TPD52L2: variants seen among roughly 807,000 people sequenced by gnomAD.
TPD52L2 encodes tumor protein D54.
Under a neutral mutation model 24.7 loss-of-function variants are expected in TPD52L2, and 19 were observed. The ratio of observed to expected loss-of-function variants is 0.77; its 90% CI spans 0.54 to 1.13. The LOEUF is 1.13. Among genes scored for constraint, TPD52L2 ranks in the 50% most tolerant of loss-of-function variants. The pLI is 0.00. For synonymous variants in TPD52L2, 104 were observed against 100.2 expected, an observed-to-expected ratio of 1.04 and a Z score of -0.23; for missense variants, 236 against 250.4, an observed-to-expected ratio of 0.94 and a Z score of 0.39.
At chr20:63,876,129 A>G (rs2052667667) in intron 4 of TPD52L2, among the ~76,000 whole-genome samples, 1 of 152,134 alleles carries the variant, frequency 6.6e-6, no homozygotes, top group Admixed American at 6.5e-5. Context: ...TGCGTCCCTT[A>G]TGTAAGAGGC....
chr20:63,887,722 T>G, intron 5 of TPD52L2: 23 of 1,025,958 alleles, frequency 2.2e-5, no homozygotes, highest in Non-Finnish European at 3.1e-5. Flanking sequence ...GAGGACTCCA[T>G]TCCCTTGGCA....
At chr20:63,886,006 C>T (rs1251626240) in intron 5 of TPD52L2, 3 of 1,614,138 alleles carry the variant, frequency 1.9e-6, no homozygotes, top group South Asian at 2.2e-5. Context: ...CTCCTGCTGC[C>T]ACCTTCCAGG....
intron 2 of TPD52L2, among the ~76,000 whole-genome samples, chr20:63,873,458 C>T (rs2052543073): frequency 6.7e-6 from 1 of 150,294 alleles, no homozygotes; most frequent in African/African-American, 2.5e-5. Context: ...CATTGCACTC[C>T]AGCCTGGGCG....
chr20:63,889,439 T>C (rs540042942), intron 6 of TPD52L2, among the ~76,000 whole-genome samples: 1 of 152,178 alleles, frequency 6.6e-6, no homozygotes, highest in South Asian at 2.1e-4. Context: ...CACCAGGACA[T>C]TGGCACTGAC....
intron 5 of TPD52L2, chr20:63,886,978 G>A (rs528251069): frequency 6.1e-5 from 10 of 164,390 alleles, no homozygotes; most frequent in Non-Finnish European, 1.2e-4. Context: ...GGGCTGTGCC[G>A]ACTCTCACCA....
intron 6 of TPD52L2, 112 bp from the exon 7 acceptor site, chr20:63,889,738 C>A: frequency 1.0e-6 from 1 of 1,000,880 alleles, no homozygotes; most frequent in Non-Finnish European, 1.5e-6. Context: ...CCCTGCTGAG[C>A]AGTGTTCGTG....
chr20:63,887,872 T>G, intron 5 of TPD52L2: 1 of 535,396 alleles, frequency 1.9e-6, no homozygotes. Flanking sequence ...GTCCTGACCC[T>G]GGCTGCCTGC....
At chr20:63,884,666 G>C (rs73151741) in intron 5 of TPD52L2, among the ~76,000 whole-genome samples, 6,212 of 152,214 alleles carry the variant, frequency 0.041, 309 homozygotes, top group East Asian at 0.2. Context: ...CAGCTGACCC[G>C]TGTCGTGTAG....
intron 1 of TPD52L2, among the ~76,000 whole-genome samples, chr20:63,867,871 C>T (rs1209355872): frequency 1.3e-5 from 2 of 150,570 alleles, no homozygotes; most frequent in South Asian, 4.2e-4. Flanking sequence ...CTCCTGACCT[C>T]AGGTGATCCG....
At chr20:63,871,205 G>C (rs2052451238) in intron 2 of TPD52L2, among the ~76,000 whole-genome samples, 1 of 147,184 alleles carries the variant, frequency 6.8e-6, no homozygotes, top group African/African-American at 2.5e-5. Context: ...ACCACACCTG[G>C]CTAATTTTTG....
At position 63,878,190 on chromosome 20, in the gene TPD52L2, A is replaced by G. The variant is rs1233371388; in HGVS notation, c.374+2315A>G. On this transcript the variant is annotated intron_variant, in intron 4 of 6. Transcript: ENST00000346249. ...GACCCACGTGTTTGTAGATCCTTTC[A>G]GCTATTGGCGCCCTGGAGGATGGAC... Among the ~76,000 whole-genome samples the G allele has an allele frequency of 2.6e-5, 4 of 152,344 alleles. No homozygotes were observed. The East Asian group carries it at 7.7e-4, about 29-fold the overall frequency.
intron 1 of TPD52L2, among the ~76,000 whole-genome samples, chr20:63,867,647 C>T (rs1423484663): frequency 6.6e-6 from 1 of 152,012 alleles, no homozygotes; most frequent in African/African-American, 2.4e-5. Flanking sequence ...AGGAAGTGCA[C>T]ACGGCTCCAG....
chr20:63,869,253 C>G (rs2052371547), intron 1 of TPD52L2, 43 bp from the exon 2 acceptor site: 1 of 1,611,314 alleles, frequency 6.2e-7, no homozygotes, highest in South Asian at 1.1e-5. Context: ...TTACTTGGAA[C>G]TAACTTATTT....
At chr20:63,886,484 TC>T (rs2053114496) in intron 5 of TPD52L2, among the ~76,000 whole-genome samples, 1 of 148,778 alleles carries the variant, frequency 6.7e-6, no homozygotes, top group Non-Finnish European at 1.5e-5. Flanking sequence ...CCTCAGCCTC[TC>T]CGAGTAGCTG....
At chr20:63,871,760 A>G (rs2052474575) in intron 2 of TPD52L2, among the ~76,000 whole-genome samples, 1 of 151,318 alleles carries the variant, frequency 6.6e-6, no homozygotes, top group South Asian at 2.1e-4. Flanking sequence ...CAGCCTCCCG[A>G]GTACCTGGGG....
rs549561285 is a variant in TPD52L2 at position 63,886,406 on chromosome 20, G to A, written c.477-2784G>A. On this transcript the variant is annotated intron_variant, in intron 5 of 6. Coordinates refer to ENST00000346249, the MANE Select transcript of TPD52L2 (RefSeq NM_003288.4). ...GACGGAGTCTTGCTCTGTCGCCCAG[G>A]TTGGAGTGCCGTGGCGCGATCTCGG... Among the ~76,000 whole-genome samples the A allele has an allele frequency of 3.3e-5, 5 of 151,854 alleles. No individual in the cohort carries two copies. In the South Asian group the frequency reaches 1.0e-3, roughly 32 times the overall value.
intron 4 of TPD52L2, among the ~76,000 whole-genome samples, chr20:63,878,598 G>A (rs969758958): frequency 1.3e-5 from 2 of 152,162 alleles, no homozygotes; most frequent in African/African-American, 2.4e-5. Flanking sequence ...TAATGGCTGC[G>A]GCCTTGGAGG....
At chr20:63,886,510 CG>C (rs1186068113) in intron 5 of TPD52L2, among the ~76,000 whole-genome samples, 3 of 151,902 alleles carry the variant, frequency 2.0e-5, no homozygotes, top group Non-Finnish European at 4.4e-5. Flanking sequence ...TACAGGCGCC[CG>C]CCGCCACGCC....
At position 63,890,167 on chromosome 20, in the gene TPD52L2, A is replaced by G. The variant is rs141708730; in HGVS notation, c.*222A>G. ...ACACTCACGTTTGTAGATGAAACAG[A>G]TCACTGTGCTGTCCTTCCTAGGGGT... On this transcript the variant is annotated 3_prime_UTR_variant, in exon 7 of 7. Coordinates refer to ENST00000346249, the MANE Select transcript of TPD52L2 (RefSeq NM_003288.4). 2 of 1,057,506 alleles carry G rather than the reference A, an allele frequency of 1.9e-6. No homozygotes were observed. Among genetic ancestry groups the G allele is most frequent in the Non-Finnish European group, 2.7e-6 (2 of 748,610 alleles). 65.5% of individuals were successfully genotyped at this position (1,057,506 alleles called of 1,614,324 possible).
Sources: allele counts gnomAD v4.1 joint callset (sites outside exome capture counted in the v4.1 genomes callset), GRCh38; gene constraint gnomAD v4.1.1; transcripts MANE v1.5; gene names NCBI Gene and HGNC (gene_info 2026-07-23, HGNC 2026-07-21).